The following ZFHX3 variants were observed in gnomAD, a reference collection of about 807,000 sequenced individuals.
ZFHX3 encodes zinc finger homeobox protein 3.
ZFHX3 carries 42 observed loss-of-function variants against 279.1 expected under a neutral mutation model. That is an observed-to-expected ratio of 0.15 (90% CI 0.12 to 0.19). The LOEUF (loss-of-function observed/expected upper bound fraction) is 0.19, where lower values mean the gene tolerates loss of function less well. Ranked by LOEUF, ZFHX3 falls within the 10% of genes least tolerant of loss-of-function variation. ZFHX3 has a pLI of 1.00. For synonymous variants in ZFHX3, 2,293 were observed against 1,957.8 expected (o/e 1.17, Z -4.52); for missense variants, 4,981 against 4,754.0 (o/e 1.05, Z -1.40).
intron 2 of ZFHX3, among the ~76,000 whole-genome samples, chr16:73,474,397 C>T (rs1163174190): frequency 6.6e-6 from 1 of 152,196 alleles, no homozygotes; most frequent in Admixed American, 6.5e-5. Flanking sequence ...GATCCACCCA[C>T]CTTGGCCTCC....
chr16:72,846,868 G>A (rs917388363), intron 4 of ZFHX3, among the ~76,000 whole-genome samples: 5 of 152,168 alleles, frequency 3.3e-5, no homozygotes, highest in Non-Finnish European at 5.9e-5. Context: ...GAGGGGAAGC[G>A]GACCAGTGGC....
chr16:73,232,910 A>T (rs1383409873), intron 5 of ZFHX3: 4 of 152,036 alleles, frequency 2.6e-5, no homozygotes, highest in Non-Finnish European at 5.9e-5. Flanking sequence ...TCTCCAGCTA[A>T]TGAGAAGCTG....
At position 72,787,626 on chromosome 16, in the gene ZFHX3, C is replaced by T. The variant is rs768842602; in HGVS notation, c.10650G>A (p.Ser3550=). Residue 3550 remains serine, a synonymous_variant, in exon 10 of 10, where the codon TCG becomes TCA. Coordinates refer to ENST00000268489, the MANE Select transcript of ZFHX3 (RefSeq NM_006885.4). ...GEEALSQHLE[S]ALHKHRTITR... Reference sequence around the variant, plus strand: ...TGATTGTTCTGTGTTTGTGCAAGGCCGACTCGAGATGTTGACTCAGAGCTT... The same window carrying T: ...TGATTGTTCTGTGTTTGTGCAAGGCTGACTCGAGATGTTGACTCAGAGCTT... The T allele has an allele frequency of 1.1e-5, 18 of 1,612,612 alleles. No individual in the cohort carries two copies. Among genetic ancestry groups the T allele is most frequent in the Middle Eastern group, 1.6e-4 (1 of 6,078 alleles).
chr16:73,659,826 A>C (rs763167207), intron 2 of ZFHX3, among the ~76,000 whole-genome samples: 11 of 152,154 alleles, frequency 7.2e-5, no homozygotes, highest in Non-Finnish European at 1.2e-4. Context: ...AAGTTTCCTT[A>C]TTAGCAGCAA....
chr16:72,942,526 T>C (rs933026810), intron 3 of ZFHX3, among the ~76,000 whole-genome samples: 5 of 152,158 alleles, frequency 3.3e-5, no homozygotes, highest in African/African-American at 9.7e-5. Flanking sequence ...TTTGACAAAG[T>C]GGTAGCTATT....
intron 1 of ZFHX3, among the ~76,000 whole-genome samples, chr16:73,006,307 A>G (rs1446588477): frequency 2.6e-5 from 4 of 152,198 alleles, no homozygotes; most frequent in African/African-American, 7.2e-5. Flanking sequence ...AATTCTAAGC[A>G]GACTAGGAAT....
intron 3 of ZFHX3, among the ~76,000 whole-genome samples, chr16:73,449,337 G>T (rs1053120931): frequency 2.6e-5 from 4 of 152,172 alleles, no homozygotes; most frequent in Non-Finnish European, 5.9e-5. Context: ...CAAGAAATTA[G>T]AATAGAGCAT....
chr16:73,058,362 G>A (rs1965613636), intron 1 of ZFHX3, among the ~76,000 whole-genome samples: 1 of 149,138 alleles, frequency 6.7e-6, no homozygotes, highest in Non-Finnish European at 1.5e-5. Context: ...GGGGAGCGCG[G>A]GCGGCGGCGG....
chr16:73,215,879 G>A (rs535747199), intron 5 of ZFHX3, among the ~76,000 whole-genome samples: 2 of 151,862 alleles, frequency 1.3e-5, no homozygotes, highest in East Asian at 1.9e-4. Context: ...GTGCATGGAC[G>A]TGTGTGTGTG....
chr16:73,564,488 A>G (rs2020422339), intron 2 of ZFHX3, among the ~76,000 whole-genome samples: 1 of 152,212 alleles, frequency 6.6e-6, no homozygotes, highest in Admixed American at 6.5e-5. Context: ...AAGTTCCAGC[A>G]TCACTACATG....
At chr16:73,144,732 G>T (rs942715790) in intron 5 of ZFHX3, among the ~76,000 whole-genome samples, 4 of 151,732 alleles carry the variant, frequency 2.6e-5, no homozygotes, top group African/African-American at 9.7e-5. Context: ...TCTCCTACCC[G>T]CCCCTCCCCG....
chr16:73,146,663 A>AATT (rs1256646977), intron 5 of ZFHX3, among the ~76,000 whole-genome samples: 2 of 151,650 alleles, frequency 1.3e-5, no homozygotes, highest in East Asian at 1.9e-4. Flanking sequence ...TTTTTTAATT[A>AATT]ATTATTATTA....
intron 4 of ZFHX3, among the ~76,000 whole-genome samples, chr16:72,864,426 G>C (rs943035282): frequency 3.3e-5 from 5 of 152,148 alleles, no homozygotes; most frequent in African/African-American, 1.2e-4. Flanking sequence ...GCAACTCAGA[G>C]CGTCGTGCTC....
At chr16:73,421,926 C>T (rs981930337) in intron 3 of ZFHX3, among the ~76,000 whole-genome samples, 2 of 152,150 alleles carry the variant, frequency 1.3e-5, no homozygotes, top group African/African-American at 2.4e-5. Flanking sequence ...ATGAAACCCA[C>T]CTAGATTCCT....
chr16:73,058,076 C>CCCCGGCCG (rs1274515773), intron 1 of ZFHX3, among the ~76,000 whole-genome samples: 1 of 141,722 alleles, frequency 7.1e-6, no homozygotes, highest in Non-Finnish European at 1.6e-5. Context: ...CGAGCTGGTA[C>CCCCGGCCG]CCCGGCCGCC....
rs1396233989 is a variant in ZFHX3 at position 72,950,617 on chromosome 16, T to C, written c.3068A>G (p.Lys1023Arg). The change falls in exon 3 of 10, where the codon AAG becomes AGG. Residue 1023 changes from lysine (K) to arginine (R), a missense_variant. Physicochemically the swap from Lys to Arg is conservative, Grantham distance 26. This residue lies in a region of ZFHX3 where 1,751 missense variants were observed against 1,770.0 expected (regional missense o/e 0.99). Transcript: ENST00000268489. Reference protein sequence around the residue: ...QLVAHIKEGGKANEWRLKCVA... With the variant: ...QLVAHIKEGGRANEWRLKCVA... ...ACACTTGAGCCTCCACTCGTTGGCC[T>C]TGCCGCCCTCCTTGATGTGGGCCAC... 3 of 1,614,226 alleles carry C rather than the reference T, an allele frequency of 1.9e-6. No individual in the cohort carries two copies. Among genetic ancestry groups the C allele is most frequent in the Admixed American group, 1.7e-5 (1 of 60,032 alleles).
intron 2 of ZFHX3, among the ~76,000 whole-genome samples, chr16:73,671,354 T>G (rs2052902128): frequency 6.6e-6 from 1 of 152,284 alleles, no homozygotes; most frequent in Non-Finnish European, 1.5e-5. Flanking sequence ...TCAGTGGCCT[T>G]CGAGAATCCA....
At chr16:73,138,755 A>C (rs1222209130) in intron 6 of ZFHX3, among the ~76,000 whole-genome samples, 1 of 152,044 alleles carries the variant, frequency 6.6e-6, no homozygotes, top group East Asian at 1.9e-4. Flanking sequence ...TGGCATGATC[A>C]TGGCTCACTG....
intron 1 of ZFHX3, among the ~76,000 whole-genome samples, chr16:73,880,046 C>T (rs528166581): frequency 6.6e-6 from 1 of 152,232 alleles, no homozygotes; most frequent in South Asian, 2.1e-4. Context: ...ATGGTGGAAT[C>T]GGCGTGAATG....
Sources: gnomAD v4.1 joint callset for allele counts (sites outside exome capture counted in the v4.1 genomes callset) on GRCh38, gnomAD v4.1.1 for gene constraint, gnomAD v4.1.1 regional missense constraint, MANE v1.5 for transcripts, NCBI Gene and HGNC (gene_info 2026-07-23, HGNC 2026-07-21) for gene names.